Variants in MAGI2 observed in about 807,000 individuals in gnomAD.
The protein encoded by MAGI2 is membrane associated guanylate kinase, WW and PDZ domain containing 2.
Under a neutral mutation model 133.3 loss-of-function variants are expected in MAGI2, and 35 were observed. That is an observed-to-expected ratio of 0.26 (90% confidence interval 0.20 to 0.35). The LOEUF is 0.35. Ranked by LOEUF, MAGI2 falls within the 10% of genes least tolerant of loss-of-function variation. The pLI, the probability that MAGI2 is intolerant of heterozygous loss-of-function variation, is 1.00. For missense variants in MAGI2, 1,636 were observed against 1,863.4 expected (o/e 0.88, Z 2.25); for synonymous variants, 729 against 710.6 (o/e 1.03, Z -0.41).
At chr7:78,553,284 T>C (rs897818863) in intron 3 of MAGI2, among the ~76,000 whole-genome samples, 1 of 152,104 alleles carries the variant, frequency 6.6e-6, no homozygotes, top group African/African-American at 2.4e-5. Flanking sequence ...CACAACCCAG[T>C]TAATCATTTA....
rs868213481 is a variant in MAGI2 at position 79,317,029 on chromosome 7, T to C, written c.301+135991A>G. 6.5e-3 allele frequency among the ~76,000 whole-genome samples: 954 copies of C among 147,304 alleles called. 4 individuals are homozygous for C. The highest frequency in any genetic ancestry group is 0.023 in the African/African-American group (903 of 39,996). On this transcript the variant is annotated intron_variant, in intron 1 of 21. Transcript: ENST00000354212. ...TTTTTTTTTCTTTTTCTTTTTTTTT[T>C]TTTTTTTTTTGAGGCAGAGTTTCTC... is the stretch of plus-strand genomic sequence containing the variant.
At chr7:78,034,782 C>T (rs945855273) in intron 21 of MAGI2, among the ~76,000 whole-genome samples, 12 of 152,188 alleles carry the variant, frequency 7.9e-5, no homozygotes, top group African/African-American at 2.4e-4. Context: ...CCTGCCTTGG[C>T]GTCCCAAAGT....
intron 1 of MAGI2, among the ~76,000 whole-genome samples, chr7:79,174,917 T>A (rs1303756495): frequency 6.6e-6 from 1 of 151,974 alleles, no homozygotes; most frequent in Admixed American, 6.6e-5. Flanking sequence ...TCTAAGTTGA[T>A]GCACACTATT....
intron 1 of MAGI2, among the ~76,000 whole-genome samples, chr7:79,194,656 T>C (rs1378049251): frequency 6.6e-6 from 1 of 151,902 alleles, no homozygotes; most frequent in Non-Finnish European, 1.5e-5. Flanking sequence ...TTTTATTTCA[T>C]AATAAAAAAG....
intron 10 of MAGI2, among the ~76,000 whole-genome samples, chr7:78,218,902 C>T (rs543570830): frequency 8.5e-5 from 13 of 152,306 alleles, no homozygotes; most frequent in Middle Eastern, 6.8e-3. Context: ...ACAGCTGGCA[C>T]CTGCTCATAC....
intron 1 of MAGI2, among the ~76,000 whole-genome samples, chr7:79,417,752 A>AC (rs1846637642): frequency 7.3e-6 from 1 of 136,712 alleles, no homozygotes; most frequent in Non-Finnish European, 1.5e-5. Context: ...CATATGCACA[A>AC]AAAAAAAAAA....
At chr7:78,085,874 A>G (rs1451707677) in intron 20 of MAGI2, among the ~76,000 whole-genome samples, 1 of 144,524 alleles carries the variant, frequency 6.9e-6, no homozygotes, top group African/African-American at 2.8e-5. Flanking sequence ...CAGCTCAGAA[A>G]ATATCCGGCC....
intron 1 of MAGI2, among the ~76,000 whole-genome samples, chr7:79,061,592 T>G (rs1297591878): frequency 6.6e-6 from 1 of 151,976 alleles, no homozygotes; most frequent in Non-Finnish European, 1.5e-5. Flanking sequence ...GAAGATGTGA[T>G]GAAGATAGGG....
chr7:79,113,228 T>TTCATTA (rs1819086438), intron 1 of MAGI2, among the ~76,000 whole-genome samples: 3 of 152,238 alleles, frequency 2.0e-5, no homozygotes, highest in African/African-American at 7.2e-5. Context: ...TAATTGTCAG[T>TTCATTA]AAGTTCACCT....
intron 6 of MAGI2, among the ~76,000 whole-genome samples, chr7:78,451,001 G>A (rs1788670348): frequency 6.6e-6 from 1 of 152,042 alleles, no homozygotes. Context: ...AAGACAGAAA[G>A]CGGCAGGTGG....
intron 2 of MAGI2, among the ~76,000 whole-genome samples, chr7:78,891,124 C>A (rs1227909302): frequency 6.6e-6 from 1 of 152,134 alleles, no homozygotes; most frequent in Non-Finnish European, 1.5e-5. Flanking sequence ...ACTAGAAAAT[C>A]TAGAAGAAAC....
At chr7:78,773,972 A>AAT (rs1825789209) in intron 2 of MAGI2, among the ~76,000 whole-genome samples, 2 of 152,114 alleles carry the variant, frequency 1.3e-5, no homozygotes, top group South Asian at 2.1e-4. Context: ...AGTTATAGTA[A>AAT]ATATATATAT....
At chr7:78,770,115 A>T (rs1334451425) in intron 2 of MAGI2, among the ~76,000 whole-genome samples, 1 of 152,234 alleles carries the variant, frequency 6.6e-6, no homozygotes, top group East Asian at 1.9e-4. Flanking sequence ...CTTTCTTTGT[A>T]AAAACACAGG....
intron 20 of MAGI2, among the ~76,000 whole-genome samples, chr7:78,111,754 T>A (rs1347635110): frequency 6.6e-6 from 1 of 152,220 alleles, no homozygotes; most frequent in Non-Finnish European, 1.5e-5. Flanking sequence ...GGAAAAGAAC[T>A]CATATTTGCA....
chr7:79,346,562 G>A (rs1841327432), intron 1 of MAGI2, among the ~76,000 whole-genome samples: 1 of 151,848 alleles, frequency 6.6e-6, no homozygotes, highest in South Asian at 2.1e-4. Flanking sequence ...AGGCAATAAG[G>A]CTCTCTGCAA....
chr7:78,077,039 A>ATCAG (rs1815401915), intron 21 of MAGI2, among the ~76,000 whole-genome samples: 1 of 152,262 alleles, frequency 6.6e-6, no homozygotes, highest in African/African-American at 2.4e-5. Context: ...CTTGCTCACT[A>ATCAG]CAGACAAGCA....
At position 78,080,605 on chromosome 7, in the gene MAGI2, TTACA is replaced by T. The variant is rs541179472; in HGVS notation, c.3568-1524_3568-1521del. ...AAGTAAAATAGCAGTTCCAATGAAGTTACATATAGAAAAAGTGTTCCTTCCTGGC... is the reference window on the plus strand; with the variant it reads ...AAGTAAAATAGCAGTTCCAATGAAGTTATAGAAAAAGTGTTCCTTCCTGGC... On this transcript the variant is annotated intron_variant, in intron 20 of 21. Transcript: ENST00000354212. Among the ~76,000 whole-genome samples the T allele has an allele frequency of 4.1e-3, 630 of 152,210 alleles. 5 individuals carry two copies. Among genetic ancestry groups the T allele is most frequent in the African/African-American group, 0.015 (613 of 41,550 alleles).
intron 3 of MAGI2, among the ~76,000 whole-genome samples, chr7:78,533,695 A>G (rs566121228): frequency 7.2e-5 from 11 of 152,316 alleles, no homozygotes; most frequent in African/African-American, 2.6e-4. Context: ...AAGAAATAAA[A>G]TATCTTAGTA....
intron 1 of MAGI2, among the ~76,000 whole-genome samples, chr7:79,228,602 C>T (rs1156233813): frequency 6.6e-6 from 1 of 152,024 alleles, no homozygotes; most frequent in Non-Finnish European, 1.5e-5. Flanking sequence ...CACAAGCACT[C>T]TCTTCCAACA....
Sources: allele counts gnomAD v4.1 joint callset (sites outside exome capture counted in the v4.1 genomes callset), GRCh38; gene constraint gnomAD v4.1.1; transcripts MANE v1.5; gene names NCBI Gene and HGNC (gene_info 2026-07-23, HGNC 2026-07-21).